The following ARHGAP28 variants were observed in gnomAD, a reference collection of about 807,000 sequenced individuals.
ARHGAP28 encodes rho GTPase-activating protein 28.
ARHGAP28 carries 56 observed loss-of-function variants against 90.7 expected under a neutral mutation model. That is an observed-to-expected ratio of 0.62 (90% CI 0.50 to 0.77). The LOEUF is 0.77. Ranked by LOEUF, ARHGAP28 falls within the 30% of genes least tolerant of loss-of-function variation. ARHGAP28 has a pLI of 0.00. For synonymous variants in ARHGAP28, 308 were observed against 323.3 expected (o/e 0.95, Z 0.51); for missense variants, 869 against 900.9 (o/e 0.96, Z 0.45).
intron 1 of ARHGAP28, among the ~76,000 whole-genome samples, chr18:6,808,277 A>G (rs1054255442): frequency 3.3e-5 from 5 of 152,142 alleles, no homozygotes; most frequent in Admixed American, 2.0e-4. Context: ...TTTTTTATGT[A>G]TAGACATTTC....
At chr18:6,829,945 G>A (rs746546997) in intron 2 of ARHGAP28, among the ~76,000 whole-genome samples, 7 of 152,166 alleles carry the variant, frequency 4.6e-5, no homozygotes, top group Admixed American at 2.0e-4. Context: ...GGGAGAATGC[G>A]TTCCATGTCT....
At chr18:6,777,376 T>C (rs1411949823) in intron 1 of ARHGAP28, among the ~76,000 whole-genome samples, 3 of 152,044 alleles carry the variant, frequency 2.0e-5, no homozygotes, top group African/African-American at 7.2e-5. Flanking sequence ...AAGGAGAACA[T>C]GCAGAACACA....
intron 1 of ARHGAP28, among the ~76,000 whole-genome samples, chr18:6,797,903 G>A (rs933127535): frequency 2.5e-4 from 38 of 152,158 alleles, no homozygotes; most frequent in African/African-American, 7.2e-4. Flanking sequence ...CTTGTGATCC[G>A]CCTGCCTCGG....
chr18:6,851,070 G>T lies in ARHGAP28; in HGVS notation c.580G>T (p.Asp194Tyr), dbSNP rs147354786. 1.1e-5 allele frequency: 17 copies of T among 1,613,974 alleles called. No individual in the cohort carries two copies. The highest frequency in any genetic ancestry group is 1.7e-5 in the Admixed American group (1 of 60,008). Residue 194 changes from aspartate to tyrosine, a missense_variant, in exon 4 of 18, where the codon GAT becomes TAT. Asp to Tyr is a radical substitution (Grantham distance 160). Coordinates refer to ENST00000383472, the MANE Select transcript of ARHGAP28 (RefSeq NM_001366230.1). ...CTGTGGCAACCACACTAATCAGCTG[G>T]ATGGCACCAAGGAAGAAAGAGAGCT... is the stretch of plus-strand genomic sequence containing the variant. ...DTCGNHTNQLDGTKEERELPR... is the reference protein window; with the variant it reads ...DTCGNHTNQLYGTKEERELPR...
At chr18:6,843,957 T>A (rs895438179) in intron 3 of ARHGAP28, among the ~76,000 whole-genome samples, 1 of 152,216 alleles carries the variant, frequency 6.6e-6, no homozygotes, top group African/African-American at 2.4e-5. Context: ...AGTCTCCGGA[T>A]ACATCACGCA....
intron 14 of ARHGAP28, among the ~76,000 whole-genome samples, chr18:6,890,769 C>A (rs1011732545): frequency 2.0e-5 from 3 of 152,192 alleles, no homozygotes; most frequent in Non-Finnish European, 2.9e-5. Context: ...TGAAATATCT[C>A]AGTCAGGAAG....
chr18:6,813,057 C>T (rs1027771286), intron 1 of ARHGAP28, among the ~76,000 whole-genome samples: 1 of 152,082 alleles, frequency 6.6e-6, no homozygotes, highest in Admixed American at 6.6e-5. Context: ...TGATTATTGT[C>T]GATGTGAATA....
chr18:6,911,291 G>C (rs1352698689), intron 17 of ARHGAP28, among the ~76,000 whole-genome samples: 2 of 152,132 alleles, frequency 1.3e-5, no homozygotes, highest in Non-Finnish European at 1.5e-5. Context: ...GAAACAAAAT[G>C]ACCATTCCTA....
intron 11 of ARHGAP28, among the ~76,000 whole-genome samples, chr18:6,885,993 A>G (rs1441596335): frequency 2.0e-5 from 3 of 149,658 alleles, no homozygotes; most frequent in Non-Finnish European, 4.5e-5. Flanking sequence ...CTGCGTCATT[A>G]TAAATTTGAT....
intron 14 of ARHGAP28, among the ~76,000 whole-genome samples, chr18:6,891,791 C>T (rs2057267647): frequency 6.6e-6 from 1 of 152,132 alleles, no homozygotes; most frequent in African/African-American, 2.4e-5. Context: ...GGGGGTCTTG[C>T]TGTATTGCCC....
At chr18:6,875,032 A>T (rs868542176) in intron 9 of ARHGAP28, 12 of 152,316 alleles carry the variant, frequency 7.9e-5, no homozygotes, top group Middle Eastern at 6.8e-3. Context: ...TCCTTCATTG[A>T]GTTGAAACCA....
intron 7 of ARHGAP28, among the ~76,000 whole-genome samples, chr18:6,871,937 G>A (rs996153931): frequency 1.3e-5 from 2 of 152,134 alleles, no homozygotes; most frequent in Admixed American, 1.3e-4. Context: ...GGAAACTGAG[G>A]CCCAGAGAGG....
intron 1 of ARHGAP28, among the ~76,000 whole-genome samples, chr18:6,735,557 T>G (rs1467929982): frequency 1.3e-5 from 1 of 77,530 alleles, no homozygotes; most frequent in African/African-American, 1.1e-4. Context: ...GTTATGCTGT[T>G]TTTTTTTTTT....
At chr18:6,883,427 C>T (rs369318835) in intron 11 of ARHGAP28, among the ~76,000 whole-genome samples, 6 of 151,904 alleles carry the variant, frequency 3.9e-5, no homozygotes, top group Admixed American at 2.0e-4. Context: ...TTAGTAGAGA[C>T]GGGGTTTCGC....
intron 1 of ARHGAP28, among the ~76,000 whole-genome samples, chr18:6,819,589 G>C (rs1303831796): frequency 6.6e-6 from 1 of 152,192 alleles, no homozygotes; most frequent in Non-Finnish European, 1.5e-5. Context: ...ACTAGCACAA[G>C]AGATTGGAAT....
At chr18:6,850,499 A>T (rs1024652124) in intron 3 of ARHGAP28, among the ~76,000 whole-genome samples, 4 of 152,216 alleles carry the variant, frequency 2.6e-5, no homozygotes, top group African/African-American at 9.6e-5. Flanking sequence ...GTGATCTATC[A>T]ATTTTTTCTT....
chr18:6,839,698 A>G (rs552232903), intron 3 of ARHGAP28, among the ~76,000 whole-genome samples: 3 of 152,198 alleles, frequency 2.0e-5, no homozygotes, highest in African/African-American at 7.2e-5. Flanking sequence ...GAAAGCAAAT[A>G]TGAATTGTAC....
At chr18:6,826,382 C>T (rs1338477540) in intron 2 of ARHGAP28, among the ~76,000 whole-genome samples, 1 of 151,572 alleles carries the variant, frequency 6.6e-6, no homozygotes, top group Admixed American at 6.6e-5. Flanking sequence ...TATTAGACCT[C>T]TGTCAGATGC....
intron 3 of ARHGAP28, among the ~76,000 whole-genome samples, chr18:6,839,349 A>G (rs552279578): frequency 6.9e-4 from 99 of 143,438 alleles, no homozygotes; most frequent in Admixed American, 1.0e-3. Flanking sequence ...GCTGGAGTGC[A>G]GTGGCGCAAT....
Sources: gnomAD v4.1 joint callset for allele counts (sites outside exome capture counted in the v4.1 genomes callset) on GRCh38, gnomAD v4.1.1 for gene constraint, MANE v1.5 for transcripts, NCBI Gene and HGNC (gene_info 2026-07-23, HGNC 2026-07-21) for gene names.